Variants in RIPOR2 observed in about 807,000 individuals in gnomAD.
The protein encoded by RIPOR2 is rho family-interacting cell polarization regulator 2.
A neutral mutation model predicts 114.5 loss-of-function variants in RIPOR2; 39 were observed. That is an observed-to-expected ratio of 0.34 (90% CI 0.26 to 0.44). The LOEUF (loss-of-function observed/expected upper bound fraction) is 0.44, where lower values mean the gene tolerates loss of function less well. RIPOR2 is among the 20% of genes least tolerant of loss of function. The pLI is 1.00. For synonymous variants in RIPOR2, 445 were observed against 484.4 expected, an observed-to-expected ratio of 0.92 and a Z score of 1.07; for missense variants, 1,007 against 1,255.1, an observed-to-expected ratio of 0.80 and a Z score of 2.99.
At chr6:25,013,410 C>A (rs201216059) in intron 1 of RIPOR2, among the ~76,000 whole-genome samples, 172 of 152,148 alleles carry the variant, frequency 1.1e-3, no homozygotes, top group Non-Finnish European at 1.8e-3. Flanking sequence ...GAGGCTATAG[C>A]GGGGTGTGGA....
intron 1 of RIPOR2, among the ~76,000 whole-genome samples, chr6:24,975,832 T>C (rs1383610268): frequency 6.6e-6 from 1 of 152,032 alleles, no homozygotes; most frequent in Non-Finnish European, 1.5e-5. Flanking sequence ...ACACCCTAAA[T>C]ATATAAATAT....
chr6:25,028,381 A>G (rs1776729090), intron 1 of RIPOR2, among the ~76,000 whole-genome samples: 1 of 152,176 alleles, frequency 6.6e-6, no homozygotes, highest in Admixed American at 6.5e-5. Context: ...TTTGAGCTTG[A>G]GTCCTAGTTC....
At chr6:24,979,283 C>CTTTTTTTTTTTTTT (rs60372040) in intron 1 of RIPOR2, among the ~76,000 whole-genome samples, 3 of 99,436 alleles carry the variant, frequency 3.0e-5, no homozygotes, top group Non-Finnish European at 4.1e-5. Context: ...TAGGGAAATT[C>CTTTTTTTTTTTTTT]TTTTTTTTTT....
intron 7 of RIPOR2, among the ~76,000 whole-genome samples, chr6:24,864,516 G>C (rs1175417958): frequency 3.3e-5 from 5 of 152,090 alleles, no homozygotes; most frequent in Non-Finnish European, 5.9e-5. Flanking sequence ...GCTCAGCTCT[G>C]GGAATTGTCC....
intron 12 of RIPOR2, among the ~76,000 whole-genome samples, chr6:24,845,796 T>A (rs1762206010): frequency 6.6e-6 from 1 of 151,948 alleles, no homozygotes; most frequent in Non-Finnish European, 1.5e-5. Flanking sequence ...AAAGAGCCAA[T>A]CCTGGAGCTC....
intron 1 of RIPOR2, among the ~76,000 whole-genome samples, chr6:24,912,912 A>G (rs1769780748): frequency 6.6e-6 from 1 of 152,166 alleles, no homozygotes; most frequent in African/African-American, 2.4e-5. Flanking sequence ...ATCCCACTGA[A>G]GCCTGTCATC....
intron 1 of RIPOR2, among the ~76,000 whole-genome samples, chr6:24,925,151 C>T (rs955443013): frequency 8.6e-5 from 13 of 151,618 alleles, no homozygotes; most frequent in Non-Finnish European, 1.9e-4. Flanking sequence ...GAGGCCATGA[C>T]TTATCCGTTT....
intron 1 of RIPOR2, among the ~76,000 whole-genome samples, chr6:24,963,911 AGAGGTCCCAT>A (rs1230444439): frequency 2.6e-5 from 4 of 152,124 alleles, no homozygotes; most frequent in African/African-American, 9.7e-5. Context: ...AATAGTACAA[AGAGGTCCCAT>A]GTACCCTTCA....
chr6:24,898,167 A>G (rs930484613), intron 1 of RIPOR2, among the ~76,000 whole-genome samples: 3 of 152,152 alleles, frequency 2.0e-5, no homozygotes, highest in East Asian at 1.9e-4. Flanking sequence ...TATTATTATC[A>G]TCATCATCAC....
chr6:24,827,541 A>G (rs1760297269), intron 18 of RIPOR2, among the ~76,000 whole-genome samples: 1 of 152,186 alleles, frequency 6.6e-6, no homozygotes, highest in Non-Finnish European at 1.5e-5. Context: ...CCAGCCCCTC[A>G]CTACCTGGCT....
chr6:24,843,698 C>CGTGTGTGT (rs34540028), intron 12 of RIPOR2, 144 bp from the exon 13 acceptor site: 48 of 368,322 alleles, frequency 1.3e-4, no homozygotes, highest in Middle Eastern at 7.0e-4. Flanking sequence ...TTGTTGATGC[C>CGTGTGTGT]GTGTGTGTGT....
intron 17 of RIPOR2, 66 bp from the exon 18 acceptor site, chr6:24,828,361 A>T (rs1581507935): frequency 2.2e-5 from 22 of 988,808 alleles, no homozygotes; most frequent in South Asian, 5.4e-5. Flanking sequence ...CATTCATTCA[A>T]TAATTTTTAT....
At chr6:25,007,436 C>T (rs1775604507) in intron 1 of RIPOR2, among the ~76,000 whole-genome samples, 1 of 152,192 alleles carries the variant, frequency 6.6e-6, no homozygotes, top group Non-Finnish European at 1.5e-5. Flanking sequence ...GACAAATCCT[C>T]ACTTGGTCAA....
At chr6:24,872,402 G>C (rs889423446) in intron 4 of RIPOR2, among the ~76,000 whole-genome samples, 4 of 151,564 alleles carry the variant, frequency 2.6e-5, no homozygotes, top group Admixed American at 1.3e-4. Flanking sequence ...AAACACAGAC[G>C]GGGGGTGGGT....
intron 1 of RIPOR2, among the ~76,000 whole-genome samples, chr6:25,034,139 T>C (rs1459158148): frequency 6.6e-6 from 1 of 152,040 alleles, no homozygotes; most frequent in African/African-American, 2.4e-5. Context: ...ATGGGAGTGC[T>C]ACGCTGTACG....
At position 25,024,390 on chromosome 6, in the gene RIPOR2, A is replaced by G. The variant is rs114735692; in HGVS notation, c.76+17461T>C. The G allele has an allele frequency of 7.8e-4, 979 of 1,247,382 alleles. 5 individuals are homozygous for G. The African/African-American group carries it at 0.012, about 16-fold the overall frequency. 77.3% of individuals were successfully genotyped at this position (1,247,382 alleles called of 1,614,324 possible). A position where few individuals can be genotyped will look rare whatever the true frequency, so the allele number is the denominator to read the frequency against. On this transcript the variant is annotated intron_variant, in intron 1 of 13. Coordinates refer to the RIPOR2 transcript ENST00000510784. ...GCCAGTGTTGGCCAGGTAGGCAATG[A>G]CATCATAGCCTTGTTCCTTCACCCA... is the stretch of plus-strand genomic sequence containing the variant.
chr6:25,023,080 G>A lies in RIPOR2; in HGVS notation c.76+18771C>T, dbSNP rs186306213. ...GCCCCCCACCCTTCCCTTTAATGACGACGTTTGCAGGCTTCAGGGGACCAG... is the reference window on the plus strand; with the variant it reads ...GCCCCCCACCCTTCCCTTTAATGACAACGTTTGCAGGCTTCAGGGGACCAG... On this transcript the variant is annotated intron_variant, in intron 1 of 13. Transcript: ENST00000510784. Among the ~76,000 whole-genome samples the A allele has an allele frequency of 2.0e-3, 298 of 151,514 alleles. 4 individuals carry two copies. The highest frequency in any genetic ancestry group is 2.5e-4 in the Non-Finnish European group (17 of 67,934).
chr6:25,003,162 C>T (rs1775393141), intron 1 of RIPOR2, among the ~76,000 whole-genome samples: 2 of 152,142 alleles, frequency 1.3e-5, no homozygotes, highest in Non-Finnish European at 2.9e-5. Context: ...CGACCGTTCA[C>T]ATAGGGTCGA....
chr6:24,976,857 A>G (rs1774078498), intron 1 of RIPOR2: 1 of 1,609,910 alleles, frequency 6.2e-7, no homozygotes, highest in East Asian at 2.2e-5. Flanking sequence ...TTGGATGGCA[A>G]GCATGTGGTC....
Sources: allele counts gnomAD v4.1 joint callset (sites outside exome capture counted in the v4.1 genomes callset), GRCh38; gene constraint gnomAD v4.1.1; transcripts MANE v1.5; gene names NCBI Gene and HGNC (gene_info 2026-07-23, HGNC 2026-07-21).